The following POT1 variants were observed in gnomAD, a reference collection of about 807,000 sequenced individuals.
POT1 encodes protection of telomeres 1.
In POT1, 47 loss-of-function variants were observed where a neutral mutation model predicts 78.5. The ratio of observed to expected loss-of-function variants is 0.60; its 90% CI spans 0.47 to 0.76. The LOEUF (loss-of-function observed/expected upper bound fraction) is 0.76, where lower values mean the gene tolerates loss of function less well. POT1 is among the 30% of genes least tolerant of loss of function. The pLI, the probability that POT1 is intolerant of heterozygous loss-of-function variation, is 0.00. For missense variants in POT1, 646 were observed against 749.9 expected (o/e 0.86, Z 1.62); for synonymous variants, 259 against 260.7 (o/e 0.99, Z 0.06).
rs948242906 is a variant in POT1, at chr7:124,905,955, T to G, written c.-153-7581A>C. The stretch of plus-strand genomic sequence containing the variant: ...ACAATGAGATACCATCTCACACCAG[T>G]TAGAATGGCAATCATTAAAAAGCCA... On this transcript the variant is annotated intron_variant, in intron 3 of 18. Coordinates refer to ENST00000357628, the MANE Select transcript of POT1 (RefSeq NM_015450.3). Among the ~76,000 whole-genome samples the G allele has an allele frequency of 2.0e-5, 3 of 152,224 alleles. 1 individual carries two copies. The South Asian group carries it at 6.2e-4, about 32-fold the overall frequency.
intron 8 of POT1, among the ~76,000 whole-genome samples, chr7:124,863,016 A>T (rs1357939698): frequency 6.6e-6 from 1 of 152,172 alleles, no homozygotes; most frequent in African/African-American, 2.4e-5. Flanking sequence ...CTTGACAGGG[A>T]AACAGAAATA....
intron 7 of POT1, among the ~76,000 whole-genome samples, chr7:124,865,957 T>C (rs987599222): frequency 6.6e-6 from 1 of 152,168 alleles, no homozygotes; most frequent in Non-Finnish European, 1.5e-5. Context: ...GGTAACACTT[T>C]GTTGTTTTCA....
chr7:124,895,337 A>G (rs1796466844), intron 5 of POT1, among the ~76,000 whole-genome samples: 1 of 151,624 alleles, frequency 6.6e-6, no homozygotes, highest in African/African-American at 2.4e-5. Flanking sequence ...TCACACAGAC[A>G]TGAACAATTT....
rs1194907316 is a variant in POT1 at position 124,835,314 on chromosome 7, T to C, written c.1470A>G (p.Ala490=). The C allele has an allele frequency of 6.2e-6, 10 of 1,613,974 alleles. No individual in the cohort carries two copies. In the South Asian group the frequency reaches 1.1e-4, roughly 18 times the overall value. ...GTATTGTTCCTTGTATAAGAAATGG[T>C]GCTGAAAGGTCCAAAAGTTCCAGGT... ...HEDLELLDLS[A]PFLIQGTIHH... is the part of the protein sequence containing the mutation. Residue 490 remains alanine, a synonymous_variant, in exon 15 of 19, where the codon GCA becomes GCG. Coordinates refer to ENST00000357628, the MANE Select transcript of POT1 (RefSeq NM_015450.3).
intron 6 of POT1, among the ~76,000 whole-genome samples, chr7:124,874,394 C>A (rs951837879): frequency 6.6e-6 from 1 of 152,010 alleles, no homozygotes; most frequent in African/African-American, 2.4e-5. Flanking sequence ...TATATAAAAC[C>A]TAAAATAAAC....
chr7:124,832,326 C>T (rs969463283), intron 15 of POT1, among the ~76,000 whole-genome samples: 3 of 148,094 alleles, frequency 2.0e-5, no homozygotes, highest in African/African-American at 5.0e-5. Context: ...ATGGTGGATA[C>T]GTAATTGTTG....
At chr7:124,919,031 G>A (rs978213508) in intron 2 of POT1, among the ~76,000 whole-genome samples, 7 of 152,102 alleles carry the variant, frequency 4.6e-5, no homozygotes, top group African/African-American at 7.2e-5. Context: ...AGGCAATTTC[G>A]TCTTTGTGTG....
intron 14 of POT1, among the ~76,000 whole-genome samples, chr7:124,835,812 T>G (rs1033060333): frequency 6.6e-6 from 1 of 152,222 alleles, no homozygotes; most frequent in Non-Finnish European, 1.5e-5. Context: ...ATCTCAATTT[T>G]CAGGTCAATA....
In POT1 at chr7:124,920,676, A is replaced by T. The variant is rs560327807; in HGVS notation, c.-226-5030T>A. Among the ~76,000 whole-genome samples the T allele has an allele frequency of 3.3e-3, 501 of 152,078 alleles. 3 individuals carry two copies. The highest frequency in any genetic ancestry group is 0.017 in the Middle Eastern group (5 of 292). On this transcript the variant is annotated intron_variant, in intron 2 of 18. Coordinates refer to ENST00000357628, the MANE Select transcript of POT1 (RefSeq NM_015450.3). Reference sequence around the variant, plus strand: ...CACAAATACTTCAATCTTTTTTTTTAAAAAAGTGAGCATTCTACATAACAA... The same window carrying T: ...CACAAATACTTCAATCTTTTTTTTTTAAAAAGTGAGCATTCTACATAACAA...
At chr7:124,866,396 T>G (rs1795725127) in intron 7 of POT1, among the ~76,000 whole-genome samples, 1 of 152,200 alleles carries the variant, frequency 6.6e-6, no homozygotes, top group Admixed American at 6.5e-5. Context: ...ATCTTGGACT[T>G]CCAGCACCCC....
intron 2 of POT1, among the ~76,000 whole-genome samples, chr7:124,925,989 A>G (rs1337392901): frequency 1.3e-5 from 2 of 152,148 alleles, no homozygotes; most frequent in African/African-American, 4.8e-5. Flanking sequence ...TGTAAGACCC[A>G]AAACTATAAA....
chr7:124,919,999 C>T (rs943780937), intron 2 of POT1, among the ~76,000 whole-genome samples: 1 of 70,966 alleles, frequency 1.4e-5, no homozygotes, highest in African/African-American at 5.6e-5. Flanking sequence ...ATTTGGGTGC[C>T]TTGCCTCCTT....
chr7:124,919,652 A>G (rs1437330586), intron 2 of POT1, among the ~76,000 whole-genome samples: 2 of 152,148 alleles, frequency 1.3e-5, no homozygotes, highest in African/African-American at 4.8e-5. Flanking sequence ...ACACAGCGAG[A>G]AGGTGAGCAT....
intron 6 of POT1, among the ~76,000 whole-genome samples, chr7:124,891,478 T>A (rs150184961): frequency 1.8e-4 from 27 of 151,690 alleles, no homozygotes; most frequent in African/African-American, 6.0e-4. Context: ...AGCTACTCTA[T>A]GATTTTTTAT....
At chr7:124,886,227 A>C (rs1274469379) in intron 6 of POT1, among the ~76,000 whole-genome samples, 1 of 152,178 alleles carries the variant, frequency 6.6e-6, no homozygotes, top group Non-Finnish European at 1.5e-5. Context: ...AACAGAATAC[A>C]CTTTTTCCAT....
At chr7:124,883,813 TA>T (rs576975390) in intron 6 of POT1, among the ~76,000 whole-genome samples, 7 of 151,520 alleles carry the variant, frequency 4.6e-5, no homozygotes, top group Admixed American at 1.3e-4. Context: ...CATTTTCAAT[TA>T]AAAAAAATTG....
At chr7:124,833,424 A>ATTCT (rs1410954611) in intron 15 of POT1, among the ~76,000 whole-genome samples, 14 of 152,232 alleles carry the variant, frequency 9.2e-5, no homozygotes, top group African/African-American at 2.7e-4. Context: ...AAGAAAGAGG[A>ATTCT]ATAGGATGAT....
At chr7:124,836,529 T>C (rs1405492716) in intron 14 of POT1, among the ~76,000 whole-genome samples, 1 of 152,232 alleles carries the variant, frequency 6.6e-6, no homozygotes, top group African/African-American at 2.4e-5. Context: ...TCCTGCCTAC[T>C]GTTCAAAACT....
At chr7:124,920,120 T>C (rs995334059) in intron 2 of POT1, among the ~76,000 whole-genome samples, 1 of 152,164 alleles carries the variant, frequency 6.6e-6, no homozygotes, top group Admixed American at 6.5e-5. Context: ...TAAAAACCTA[T>C]GTTCAGATAA....
Sources: allele counts gnomAD v4.1 joint callset (sites outside exome capture counted in the v4.1 genomes callset), GRCh38; gene constraint gnomAD v4.1.1; transcripts MANE v1.5; gene names NCBI Gene and HGNC (gene_info 2026-07-23, HGNC 2026-07-21).